The following TREM1 variants were observed in gnomAD, a reference collection of about 807,000 sequenced individuals.
TREM1 encodes triggering receptor expressed on monocytes 1.
TREM1 carries 16 observed loss-of-function variants against 22.4 expected under a neutral mutation model. The ratio of observed to expected loss-of-function variants is 0.71; its 90% CI spans 0.48 to 1.08. The LOEUF is 1.08. TREM1 is among the 50% of genes least tolerant of loss of function. The probability of loss-of-function intolerance (pLI) is 0.00; values close to 1 mark genes in which losing one functional copy is unlikely to be tolerated. For missense variants in TREM1, 283 were observed against 282.9 expected (o/e 1.00, Z 0.00); for synonymous variants, 110 against 111.6 (o/e 0.99, Z 0.09).
At chr6:41,279,244 G>A (rs1767796893) in intron 3 of TREM1, among the ~76,000 whole-genome samples, 1 of 152,194 alleles carries the variant, frequency 6.6e-6, no homozygotes, top group Non-Finnish European at 1.5e-5. Flanking sequence ...GGAACTTCAC[G>A]TGGAGTACTT....
At chr6:41,277,409 A>T (rs1767715747) in intron 3 of TREM1, among the ~76,000 whole-genome samples, 1 of 152,040 alleles carries the variant, frequency 6.6e-6, no homozygotes, top group South Asian at 2.1e-4. Flanking sequence ...GGGAGCCAGC[A>T]TCTCTCTCAC....
chr6:41,268,227 T>C, intron 3 of TREM1: 1 of 397,026 alleles, frequency 2.5e-6, no homozygotes, highest in Non-Finnish European at 4.4e-6. Context: ...TACGGGATGC[T>C]GCTTCTCTGG....
At chr6:41,280,891 C>G in intron 3 of TREM1, 70 bp downstream of exon 3, 1 of 1,610,242 alleles carries the variant, frequency 6.2e-7, no homozygotes, top group Non-Finnish European at 8.5e-7. Flanking sequence ...TTCACATCCT[C>G]TCAGCACACA....
At chr6:41,272,644 T>C (rs1767515822), downstream of TREM1, among the ~76,000 whole-genome samples, 1 of 151,968 alleles carries the variant, frequency 6.6e-6, no homozygotes, top group Non-Finnish European at 1.5e-5. Flanking sequence ...AAGTTGACCA[T>C]GTCTGCAAGA....
In TREM1 at chr6:41,281,054, G is replaced by C. The variant is rs1767893101; in HGVS notation, c.506C>G (p.Pro169Arg). The part of the protein sequence containing the change: ...TKALCPLYTS[P>R]RTVTQAPPKS... ...GGGTGGAGCTTGGGTCACAGTTCTG[G>C]GGCTGGTATAGAGTGGGCACAAGGC... is the stretch of plus-strand genomic sequence containing the variant. The change falls in exon 3 of 4, where the codon CCC becomes CGC. Residue 169 changes from proline to arginine, a missense_variant. Coordinates refer to ENST00000244709, the MANE Select transcript of TREM1 (RefSeq NM_018643.5). The C allele has an allele frequency of 6.2e-7, 1 of 1,614,094 alleles. No homozygotes were observed. The highest frequency in any genetic ancestry group is 1.3e-5 in the African/African-American group (1 of 74,910).
chr6:41,270,446 AATATATATATATATATATATAT>A (rs68021402), downstream of TREM1, among the ~76,000 whole-genome samples: 13,474 of 144,008 alleles, frequency 0.094, 856 homozygotes, highest in East Asian at 0.26. Context: ...GATATTATAT[AATATATATATATATATATATAT>A]ATATATATAT....
downstream of TREM1, among the ~76,000 whole-genome samples, chr6:41,270,828 A>G (rs957720833): frequency 2.6e-5 from 4 of 151,990 alleles, no homozygotes; most frequent in African/African-American, 9.7e-5. Flanking sequence ...CTCAGCCCCC[A>G]CCACATAGCT....
At chr6:41,285,420 T>C (rs1226004764) in intron 1 of TREM1, among the ~76,000 whole-genome samples, 1 of 152,210 alleles carries the variant, frequency 6.6e-6, no homozygotes, top group Admixed American at 6.5e-5. Context: ...CACAGACAGA[T>C]TAAGTGATTT....
chr6:41,280,936 G>A, intron 3 of TREM1, 25 bp downstream of exon 3: 1 of 1,614,170 alleles, frequency 6.2e-7, no homozygotes, highest in African/African-American at 1.3e-5. Context: ...TCCAAACCAG[G>A]GGCCCAGGGA....
At chr6:41,278,794 A>G (rs922779137) in intron 3 of TREM1, among the ~76,000 whole-genome samples, 1 of 152,192 alleles carries the variant, frequency 6.6e-6, no homozygotes, top group Admixed American at 6.5e-5. Flanking sequence ...TAAAAGAGAG[A>G]TGCAGTCTCT....
At chr6:41,272,929 G>T (rs1285099271), downstream of TREM1, among the ~76,000 whole-genome samples, 3 of 152,032 alleles carry the variant, frequency 2.0e-5, no homozygotes, top group Non-Finnish European at 4.4e-5. Flanking sequence ...TTTTTCTTTT[G>T]GGGGCACAGG....
At chr6:41,280,792 C>G in intron 3 of TREM1, 169 bp downstream of exon 3, 2 of 1,473,124 alleles carry the variant, frequency 1.4e-6, no homozygotes, top group Non-Finnish European at 1.8e-6. Flanking sequence ...CCCTATTCTC[C>G]ATCACCACTT....
chr6:41,283,912 C>T (rs1431907771), intron 1 of TREM1, among the ~76,000 whole-genome samples: 1 of 151,978 alleles, frequency 6.6e-6, no homozygotes, highest in African/African-American at 2.4e-5. Flanking sequence ...AAACTTTCTA[C>T]CACGTAGGAA....
In TREM1 at chr6:41,275,538, T is replaced by C. The variant is rs1767633113; in HGVS notation, c.*587A>G. On this transcript the variant is annotated 3_prime_UTR_variant, in exon 4 of 4. Coordinates refer to ENST00000244709, the MANE Select transcript of TREM1 (RefSeq NM_018643.5). ...TATTTCCCCAGAAGAAGATACTCAG[T>C]TTAACTCTTTTCTCTGAGAAGGATG... is the stretch of plus-strand genomic sequence containing the variant. 6.5e-6 allele frequency: 1 copy of C among 152,864 alleles called. No homozygotes were observed. Among genetic ancestry groups the C allele is most frequent in the African/African-American group, 2.4e-5 (1 of 41,430 alleles). 9.5% of individuals were successfully genotyped at this position (152,864 alleles called of 1,614,324 possible).
Position 41,282,722 on chromosome 6 carries a change from C to T in TREM1, c.79G>A (p.Glu27Lys). Residue 27 changes from glutamate to lysine, a missense_variant, in exon 2 of 4, where the codon GAA becomes AAA. Coordinates refer to ENST00000244709, the MANE Select transcript of TREM1 (RefSeq NM_018643.5). ...ELRAATKLTE[E>K]KYELKEGQTL... ...TGCCCCTCTTTCAGTTCATACTTTT[C>T]CTCAGTTAATTTAGTTGCAGCTCGG... The T allele has an allele frequency of 1.9e-6, 3 of 1,613,836 alleles. No homozygotes were observed. Among genetic ancestry groups the T allele is most frequent in the East Asian group, 4.5e-5 (2 of 44,876 alleles).
At chr6:41,282,848 C>G (rs1276983432) in intron 1 of TREM1, 97 bp from the exon 2 acceptor site, 2 of 1,147,544 alleles carry the variant, frequency 1.7e-6, no homozygotes, top group African/African-American at 3.1e-5. Flanking sequence ...CTTGTCCAAC[C>G]ACCCATATTT....
intron 3 of TREM1, 124 bp downstream of exon 3, chr6:41,280,837 G>A (rs1485753435): frequency 1.3e-6 from 2 of 1,533,900 alleles, no homozygotes; most frequent in Non-Finnish European, 1.8e-6. Context: ...CCAGACTAAT[G>A]TGACTCAAGT....
At chr6:41,281,361 C>A in intron 2 of TREM1, 1 of 544,696 alleles carries the variant, frequency 1.8e-6, no homozygotes, top group Admixed American at 3.6e-5. Flanking sequence ...ACTGTGGAGT[C>A]AACCTGAGTC....
downstream of TREM1, among the ~76,000 whole-genome samples, chr6:41,269,314 T>A (rs1767414464): frequency 6.6e-6 from 1 of 152,146 alleles, no homozygotes; most frequent in Non-Finnish European, 1.5e-5. Flanking sequence ...CCCTAATAAC[T>A]GTGCCTCATC....
Sources: gnomAD v4.1 joint callset for allele counts (sites outside exome capture counted in the v4.1 genomes callset) on GRCh38, gnomAD v4.1.1 for gene constraint, MANE v1.5 for transcripts, NCBI Gene and HGNC (gene_info 2026-07-23, HGNC 2026-07-21) for gene names.